Variants in PIBF1 observed in about 807,000 individuals in gnomAD.
PIBF1 encodes the protein progesterone immunomodulatory binding factor 1.
A neutral mutation model predicts 112.5 loss-of-function variants in PIBF1; 90 were observed. That is an observed-to-expected ratio of 0.80 (90% CI 0.67 to 0.95). The LOEUF is 0.95. PIBF1 is among the 40% of genes least tolerant of loss of function. The pLI is 0.00. For missense variants in PIBF1, 915 were observed against 852.3 expected (o/e 1.07, Z -0.92); for synonymous variants, 301 against 288.6 (o/e 1.04, Z -0.44).
chr13:72,983,974 G>A (rs958690951), intron 16 of PIBF1, among the ~76,000 whole-genome samples: 17 of 152,024 alleles, frequency 1.1e-4, no homozygotes, highest in Admixed American at 2.6e-4. Context: ...AACTGTTTTC[G>A]ATTTGTTGGA....
At chr13:72,884,423 C>T (rs751215226) in intron 10 of PIBF1, 10 of 152,186 alleles carry the variant, frequency 6.6e-5, no homozygotes, top group Middle Eastern at 3.4e-3. Flanking sequence ...AATAAAAGCA[C>T]CAAATTTCAG....
chr13:72,837,211 G>A (rs897791315), intron 9 of PIBF1, among the ~76,000 whole-genome samples: 6 of 151,866 alleles, frequency 4.0e-5, no homozygotes, highest in Non-Finnish European at 8.8e-5. Context: ...AAAATGTTTT[G>A]ACATATTAAT....
intron 10 of PIBF1, 131 bp downstream of exon 10, chr13:72,854,286 TAATTTTCATTTC>T (rs1259875831): frequency 6.3e-5 from 38 of 607,950 alleles, no homozygotes; most frequent in Admixed American, 9.1e-5. Context: ...TTCATTTCAA[TAATTTTCATTTC>T]AATTTTCATT....
Position 72,894,772 on chromosome 13 carries a change from A to AGTGTGTGTGTGTGTGT in PIBF1, c.1488+842_1488+857dup, listed in dbSNP as rs35885902. On this transcript the variant is annotated intron_variant, in intron 11 of 17. Coordinates refer to ENST00000326291, the MANE Select transcript of PIBF1 (RefSeq NM_006346.4). ...TAATATATATATTATATATATATAT[A>AGTGTGTGTGTGTGTGT]GTGTGTGTGTGTGTGTGTGTGTGTG... 2.2e-3 allele frequency among the ~76,000 whole-genome samples: 298 copies of AGTGTGTGTGTGTGTGT among 137,198 alleles called. 1 individual carries two copies. Among genetic ancestry groups the AGTGTGTGTGTGTGTGT allele is most frequent in the Non-Finnish European group, 3.9e-3 (254 of 65,220 alleles). 90.0% of individuals were successfully genotyped at this position (137,198 alleles called of 152,430 possible).
chr13:72,912,449 A>C (rs1259787167), intron 12 of PIBF1, among the ~76,000 whole-genome samples: 4 of 152,198 alleles, frequency 2.6e-5, no homozygotes, highest in Non-Finnish European at 5.9e-5. Context: ...GTCATGAGGG[A>C]AAAGCAGATT....
chr13:72,789,013 C>A (rs2138356662), intron 2 of PIBF1, among the ~76,000 whole-genome samples: 1 of 152,214 alleles, frequency 6.6e-6, no homozygotes, highest in East Asian at 1.9e-4. Context: ...AAAGCACTTC[C>A]CACTCAGCTG....
At chr13:72,884,054 A>C (rs2039749298) in intron 10 of PIBF1, among the ~76,000 whole-genome samples, 1 of 152,218 alleles carries the variant, frequency 6.6e-6, no homozygotes, top group African/African-American at 2.4e-5. Context: ...TGGAATTATT[A>C]CACATTGTAT....
chr13:72,993,140 C>T (rs566420120), intron 16 of PIBF1, among the ~76,000 whole-genome samples: 22 of 152,044 alleles, frequency 1.4e-4, no homozygotes, highest in African/African-American at 4.8e-4. Context: ...GGCAACATGG[C>T]GAAACCCCAT....
At chr13:72,909,916 T>C (rs2040839780) in intron 12 of PIBF1, among the ~76,000 whole-genome samples, 1 of 152,206 alleles carries the variant, frequency 6.6e-6, no homozygotes, top group African/African-American at 2.4e-5. Context: ...GTCTTATCCC[T>C]AACGTTAATA....
intron 14 of PIBF1, among the ~76,000 whole-genome samples, chr13:72,943,338 T>C (rs1441219613): frequency 6.6e-6 from 1 of 152,170 alleles, no homozygotes; most frequent in Non-Finnish European, 1.5e-5. Flanking sequence ...TATTTCAAAA[T>C]AGCTAGAAGA....
intron 3 of PIBF1, among the ~76,000 whole-genome samples, chr13:72,794,333 G>T (rs2035084322): frequency 6.6e-6 from 1 of 152,190 alleles, no homozygotes; most frequent in South Asian, 2.1e-4. Flanking sequence ...TTGCTCCAAA[G>T]GGGTGGCTAA....
Position 72,829,472 on chromosome 13 carries a change from G to A in PIBF1, c.1097+1558G>A, listed in dbSNP as rs1593996016. ...ATTTTTGTATAAGGTATAAGGAAGG[G>A]GTCCAGTTTCAGTTTTCTGCATATG... On this transcript the variant is annotated intron_variant, in intron 8 of 17. Coordinates refer to ENST00000326291, the MANE Select transcript of PIBF1 (RefSeq NM_006346.4). Among the ~76,000 whole-genome samples, 3 of 152,170 alleles carry A rather than the reference G, an allele frequency of 2.0e-5. No individual in the cohort carries two copies. In the South Asian group the frequency reaches 6.2e-4, roughly 32 times the overall value.
chr13:72,909,171 C>CA (rs1566435419), intron 12 of PIBF1, among the ~76,000 whole-genome samples: 3 of 151,922 alleles, frequency 2.0e-5, no homozygotes, highest in Non-Finnish European at 2.9e-5. Context: ...AAATTGCAGT[C>CA]AAAAAAGAAA....
At chr13:72,968,545 C>G (rs9543187) in intron 15 of PIBF1, among the ~76,000 whole-genome samples, 16,727 of 151,996 alleles carry the variant, frequency 0.11, 1,256 homozygotes, top group Non-Finnish European at 0.17. Flanking sequence ...AAATGATCCG[C>G]TGGCCTTGGC....
chr13:72,854,997 C>T (rs1015885696), intron 10 of PIBF1, among the ~76,000 whole-genome samples: 1 of 152,106 alleles, frequency 6.6e-6, no homozygotes, highest in African/African-American at 2.4e-5. Flanking sequence ...ACATTCTACA[C>T]TTTCAATTGT....
chr13:72,867,890 C>T (rs547021226), intron 10 of PIBF1, among the ~76,000 whole-genome samples: 1 of 152,226 alleles, frequency 6.6e-6, no homozygotes, highest in African/African-American at 2.4e-5. Context: ...TCACTTGGAC[C>T]CCAAATGTGA....
chr13:72,857,884 T>TA (rs1165258294), intron 10 of PIBF1, among the ~76,000 whole-genome samples: 1 of 152,156 alleles, frequency 6.6e-6, no homozygotes, highest in African/African-American at 2.4e-5. Context: ...TGTTTTCCAC[T>TA]AAAAACCAAA....
intron 5 of PIBF1, among the ~76,000 whole-genome samples, chr13:72,816,396 T>G (rs2036275654): frequency 6.6e-6 from 1 of 152,118 alleles, no homozygotes; most frequent in Non-Finnish European, 1.5e-5. Flanking sequence ...TAATCCCACT[T>G]TGGGAGGCTA....
intron 10 of PIBF1, among the ~76,000 whole-genome samples, chr13:72,873,665 T>C (rs2039261891): frequency 6.6e-6 from 1 of 152,114 alleles, no homozygotes; most frequent in Non-Finnish European, 1.5e-5. Flanking sequence ...AGTGCTGGGA[T>C]TACAGGCATG....
Sources: allele counts gnomAD v4.1 joint callset (sites outside exome capture counted in the v4.1 genomes callset), GRCh38; gene constraint gnomAD v4.1.1; transcripts MANE v1.5; gene names NCBI Gene and HGNC (gene_info 2026-07-23, HGNC 2026-07-21).